Variants in DNAJC1 observed in about 807,000 individuals in gnomAD.
DNAJC1 encodes dnaJ homolog subfamily C member 1.
A neutral mutation model predicts 76.6 loss-of-function variants in DNAJC1; 58 were observed. That is an observed-to-expected ratio of 0.76 (90% CI 0.61 to 0.94). The LOEUF (loss-of-function observed/expected upper bound fraction) is 0.94. Ranked by LOEUF, DNAJC1 falls within the 40% of genes least tolerant of loss-of-function variation. The probability of loss-of-function intolerance (pLI) is 0.00; values close to 1 mark genes in which losing one functional copy is unlikely to be tolerated. For missense variants in DNAJC1, 689 were observed against 677.3 expected, an observed-to-expected ratio of 1.02 and a Z score of -0.19; for synonymous variants, 258 against 267.9, an observed-to-expected ratio of 0.96 and a Z score of 0.36.
intron 1 of DNAJC1, among the ~76,000 whole-genome samples, chr10:21,944,228 A>G (rs1418610088): frequency 6.6e-6 from 1 of 152,156 alleles, no homozygotes; most frequent in Non-Finnish European, 1.5e-5. Context: ...CAGCATGTAA[A>G]AAGACTGATA....
chr10:21,803,630 T>A (rs1470044256), intron 9 of DNAJC1, among the ~76,000 whole-genome samples: 1 of 148,738 alleles, frequency 6.7e-6, no homozygotes, highest in Non-Finnish European at 1.5e-5. Context: ...TGTGTATGTA[T>A]GTGTGTGTGT....
chr10:21,809,829 CTAAA>C (rs1426209262), intron 8 of DNAJC1, among the ~76,000 whole-genome samples: 7 of 152,110 alleles, frequency 4.6e-5, no homozygotes, highest in Admixed American at 1.3e-4. Flanking sequence ...AAATTAAAAA[CTAAA>C]TAACCTCAAA....
intron 8 of DNAJC1, among the ~76,000 whole-genome samples, chr10:21,823,184 A>G (rs1248613003): frequency 6.6e-6 from 1 of 152,200 alleles, no homozygotes; most frequent in Non-Finnish European, 1.5e-5. Context: ...GAAATCTATT[A>G]GAGGAGCTTT....
intron 1 of DNAJC1, among the ~76,000 whole-genome samples, chr10:21,999,134 G>T (rs1444612994): frequency 6.6e-6 from 1 of 152,130 alleles, no homozygotes; most frequent in Non-Finnish European, 1.5e-5. Context: ...TATCTCAAAA[G>T]AATGTTCTAT....
intron 8 of DNAJC1, among the ~76,000 whole-genome samples, chr10:21,881,304 T>C (rs1318382033): frequency 6.6e-6 from 1 of 152,224 alleles, no homozygotes; most frequent in Non-Finnish European, 1.5e-5. Flanking sequence ...AACAGCACTT[T>C]TAATTTCCTT....
intron 9 of DNAJC1, among the ~76,000 whole-genome samples, chr10:21,788,697 C>G (rs1485641324): frequency 5.3e-5 from 8 of 152,132 alleles, no homozygotes; most frequent in Non-Finnish European, 1.2e-4. Flanking sequence ...TGTAGAGTTA[C>G]CACTACATGG....
At chr10:21,928,702 G>A (rs2131779646) in intron 2 of DNAJC1, 150 bp from the exon 3 acceptor site, 3 of 623,530 alleles carry the variant, frequency 4.8e-6, no homozygotes, top group East Asian at 5.5e-5. Context: ...GTAACACTAT[G>A]TTTTGGTAGT....
chr10:21,896,079 C>T (rs923924149), intron 7 of DNAJC1, among the ~76,000 whole-genome samples: 1 of 152,178 alleles, frequency 6.6e-6, no homozygotes, highest in African/African-American at 2.4e-5. Context: ...CTCATAGAGC[C>T]TTGGGGCCCA....
At chr10:21,995,339 G>C (rs1396079571) in intron 1 of DNAJC1, among the ~76,000 whole-genome samples, 2 of 152,076 alleles carry the variant, frequency 1.3e-5, no homozygotes, top group African/African-American at 4.8e-5. Flanking sequence ...AACTCATTTT[G>C]ACTACTGCTC....
intron 8 of DNAJC1, among the ~76,000 whole-genome samples, chr10:21,880,482 G>A (rs1293767141): frequency 6.6e-6 from 1 of 152,092 alleles, no homozygotes; most frequent in Non-Finnish European, 1.5e-5. Flanking sequence ...AAGTTGGAAG[G>A]GCTCCTTGAT....
chr10:21,860,747 G>C (rs908130051), intron 8 of DNAJC1: 3 of 164,082 alleles, frequency 1.8e-5, no homozygotes, highest in African/African-American at 7.2e-5. Flanking sequence ...AACGTACCTA[G>C]AATTCAAGTC....
chr10:21,860,279 T>C (rs1168079690), intron 8 of DNAJC1, among the ~76,000 whole-genome samples: 3 of 152,176 alleles, frequency 2.0e-5, no homozygotes, highest in African/African-American at 7.2e-5. Context: ...TAAAATGTTT[T>C]TTACCACATA....
At chr10:21,862,518 TC>T (rs537226525) in intron 8 of DNAJC1, among the ~76,000 whole-genome samples, 5 of 148,642 alleles carry the variant, frequency 3.4e-5, no homozygotes, top group African/African-American at 1.2e-4. Flanking sequence ...AACCTCTGCC[TC>T]CCGAGTTCAA....
Position 21,806,120 on chromosome 10 carries a change from T to A in DNAJC1, c.979-21A>T, listed in dbSNP as rs1160733307. ...GGTGCCTGCAAAACATTAAAGAAAA[T>A]AAAAAAAGATAATTGGGAGAAAATA... On this transcript the variant is annotated intron_variant, in intron 8 of 11. Transcript: ENST00000376980. 2.5e-6 allele frequency: 4 copies of A among 1,573,204 alleles called. No homozygotes were observed. In the Admixed American group the frequency reaches 5.5e-5, roughly 22 times the overall value.
intron 6 of DNAJC1, among the ~76,000 whole-genome samples, chr10:21,915,383 A>G (rs763139695): frequency 2.6e-5 from 4 of 152,190 alleles, no homozygotes; most frequent in Non-Finnish European, 5.9e-5. Flanking sequence ...AAGGAAAGAA[A>G]TTAAACTGAA....
chr10:21,965,166 ATC>A (rs1220084878), intron 1 of DNAJC1, among the ~76,000 whole-genome samples: 2 of 152,130 alleles, frequency 1.3e-5, no homozygotes, highest in Non-Finnish European at 2.9e-5. Flanking sequence ...TCATGTCTGC[ATC>A]TCTTTGTTAT....
At chr10:21,774,859 T>C (rs868575863) in intron 9 of DNAJC1, among the ~76,000 whole-genome samples, 5 of 152,190 alleles carry the variant, frequency 3.3e-5, no homozygotes, top group African/African-American at 4.8e-5. Flanking sequence ...CAATGGCACA[T>C]GGGGATGAAT....
intron 11 of DNAJC1, among the ~76,000 whole-genome samples, chr10:21,757,766 C>T (rs774354215): frequency 1.3e-5 from 2 of 152,160 alleles, no homozygotes; most frequent in African/African-American, 2.4e-5. Context: ...GCCCAGGCTC[C>T]GGGACAGCAG....
intron 8 of DNAJC1, among the ~76,000 whole-genome samples, chr10:21,872,954 G>A (rs570023940): frequency 3.9e-5 from 6 of 152,286 alleles, no homozygotes; most frequent in South Asian, 2.1e-4. Context: ...GCCCGGCGCC[G>A]TGCCCTGGGC....
Sources: gnomAD v4.1 joint callset for allele counts (sites outside exome capture counted in the v4.1 genomes callset) on GRCh38, gnomAD v4.1.1 for gene constraint, MANE v1.5 for transcripts, NCBI Gene and HGNC (gene_info 2026-07-23, HGNC 2026-07-21) for gene names.